The following EXOC6 variants were observed in gnomAD, a reference collection of about 807,000 sequenced individuals.
The protein encoded by EXOC6 is exocyst complex component 6.
Under a neutral mutation model 112.5 loss-of-function variants are expected in EXOC6, and 60 were observed. The ratio of observed to expected loss-of-function variants is 0.53; its 90% CI spans 0.43 to 0.66. The LOEUF is 0.66. Among genes scored for constraint, EXOC6 ranks in the 30% least tolerant of loss-of-function variants. EXOC6 has a pLI of 0.00. For missense variants in EXOC6, 855 were observed against 957.1 expected, an observed-to-expected ratio of 0.89 and a Z score of 1.41; for synonymous variants, 295 against 308.0, an observed-to-expected ratio of 0.96 and a Z score of 0.44.
intron 17 of EXOC6, among the ~76,000 whole-genome samples, chr10:92,958,732 A>G (rs1482788051): frequency 6.6e-6 from 1 of 152,200 alleles, no homozygotes; most frequent in Non-Finnish European, 1.5e-5. Context: ...ACCCAGAAGA[A>G]CCAACAGAGT....
chr10:92,959,092 C>T (rs1853849254), intron 17 of EXOC6, among the ~76,000 whole-genome samples: 1 of 151,834 alleles, frequency 6.6e-6, no homozygotes, highest in Admixed American at 6.6e-5. Flanking sequence ...AACTCCGTCT[C>T]AAAAACAAAA....
intron 19 of EXOC6, among the ~76,000 whole-genome samples, chr10:93,007,007 G>C (rs2134210404): frequency 6.9e-6 from 1 of 144,456 alleles, no homozygotes; most frequent in Non-Finnish European, 1.5e-5. Flanking sequence ...TTTACCCCCT[G>C]ACAATTCTTC....
intron 18 of EXOC6, among the ~76,000 whole-genome samples, chr10:92,974,704 T>C (rs1054706710): frequency 2.6e-5 from 4 of 152,214 alleles, no homozygotes; most frequent in African/African-American, 9.7e-5. Context: ...TGCCTGCGAT[T>C]GCAGGCGCAC....
At chr10:93,012,777 A>G (rs1374889860) in intron 19 of EXOC6, among the ~76,000 whole-genome samples, 1 of 152,152 alleles carries the variant, frequency 6.6e-6, no homozygotes, top group Non-Finnish European at 1.5e-5. Flanking sequence ...AAATCAGAAT[A>G]TCCAGCACTT....
chr10:92,968,512 A>G (rs549123146), intron 17 of EXOC6, among the ~76,000 whole-genome samples: 23 of 152,266 alleles, frequency 1.5e-4, no homozygotes, highest in Non-Finnish European at 2.6e-4. Flanking sequence ...AATTCTGTTA[A>G]TGTTTAATAC....
chr10:92,846,777 T>A (rs1277174551), upstream of EXOC6, among the ~76,000 whole-genome samples: 1 of 152,200 alleles, frequency 6.6e-6, no homozygotes, highest in Middle Eastern at 3.2e-3. Flanking sequence ...AACCTGTGCA[T>A]ATGTTATTTT....
At chr10:92,948,252 T>G (rs1477381767) in intron 13 of EXOC6, 22 bp from the exon 14 acceptor site, 7 of 1,474,510 alleles carry the variant, frequency 4.7e-6, no homozygotes, top group Non-Finnish European at 6.6e-6. Flanking sequence ...ATGATAAGTT[T>G]TCAATTTTCC....
chr10:92,928,580 G>C (rs1183177368), intron 9 of EXOC6, among the ~76,000 whole-genome samples, 158 bp downstream of exon 9: 2 of 151,532 alleles, frequency 1.3e-5, no homozygotes, highest in Non-Finnish European at 2.9e-5. Flanking sequence ...GGGTACAGCA[G>C]TGAACCAAAT....
intron 18 of EXOC6, among the ~76,000 whole-genome samples, chr10:92,978,621 G>T (rs61862341): frequency 0.011 from 1,719 of 152,222 alleles, 19 homozygotes; most frequent in Non-Finnish European, 0.017. Context: ...GCAAAGAGAA[G>T]AGGCAGAGGC....
chr10:92,853,183 T>C (rs563800106), intron 1 of EXOC6, among the ~76,000 whole-genome samples: 2 of 152,298 alleles, frequency 1.3e-5, no homozygotes, highest in East Asian at 3.9e-4. Context: ...TGACTAAAGA[T>C]GTGGAAGACT....
intron 1 of EXOC6, among the ~76,000 whole-genome samples, chr10:92,841,180 T>A (rs1039803466): frequency 2.0e-5 from 3 of 152,202 alleles, no homozygotes; most frequent in African/African-American, 7.2e-5. Context: ...AGCTGAAACT[T>A]TGATTAACAT....
At chr10:92,911,946 T>TGTGTGTGTGTGC (rs1564823682) in intron 6 of EXOC6, among the ~76,000 whole-genome samples, 2 of 87,588 alleles carry the variant, frequency 2.3e-5, no homozygotes, top group East Asian at 3.2e-3. Flanking sequence ...TGCGTGTGTG[T>TGTGTGTGTGTGC]GTGTGTGTGT....
chr10:93,033,506 T>C (rs371970216), intron 20 of EXOC6, among the ~76,000 whole-genome samples: 1 of 152,248 alleles, frequency 6.6e-6, no homozygotes, highest in East Asian at 1.9e-4. Flanking sequence ...GCATCACATG[T>C]ATTTTGTGTA....
chr10:93,008,551 C>G (rs1844098290), intron 19 of EXOC6, among the ~76,000 whole-genome samples: 1 of 152,118 alleles, frequency 6.6e-6, no homozygotes, highest in Non-Finnish European at 1.5e-5. Context: ...AAATGAGAAT[C>G]TGAATGAGCC....
At chr10:92,850,514 C>CT (rs1018048580) in intron 1 of EXOC6, among the ~76,000 whole-genome samples, 2 of 151,774 alleles carry the variant, frequency 1.3e-5, no homozygotes, top group Non-Finnish European at 2.9e-5. Context: ...TATTTTTTCC[C>CT]TTTTTTTTCA....
chr10:92,921,352 C>G (rs892262237), intron 8 of EXOC6, among the ~76,000 whole-genome samples: 9 of 145,164 alleles, frequency 6.2e-5, no homozygotes, highest in Middle Eastern at 3.9e-3. Context: ...TCAAGTGATT[C>G]TCCTGCCTCA....
intron 18 of EXOC6, among the ~76,000 whole-genome samples, chr10:92,994,300 C>CT (rs1843386195): frequency 6.6e-6 from 1 of 152,158 alleles, no homozygotes; most frequent in South Asian, 2.1e-4. Flanking sequence ...CCAAATGTCT[C>CT]TTTACCACAA....
rs564530914 is a variant in EXOC6 at position 92,888,625 on chromosome 10, T to C, written c.102-4724T>C. Among the ~76,000 whole-genome samples the C allele has an allele frequency of 3.9e-5, 6 of 152,336 alleles. No homozygotes were observed. In the South Asian group the frequency reaches 1.2e-3, roughly 32 times the overall value. On this transcript the variant is annotated intron_variant, in intron 1 of 21. Transcript: ENST00000260762. ...GTGATAATTGTAATATAAAAAATTC[T>C]TTTGGTGTATTTTGTTTATTATTTG...
At chr10:92,886,995 G>A (rs1849249228) in intron 1 of EXOC6, among the ~76,000 whole-genome samples, 1 of 152,186 alleles carries the variant, frequency 6.6e-6, no homozygotes, top group African/African-American at 2.4e-5. Flanking sequence ...GCCAGAAGCA[G>A]CAGACATGAC....
Sources: allele counts gnomAD v4.1 joint callset (sites outside exome capture counted in the v4.1 genomes callset), GRCh38; gene constraint gnomAD v4.1.1; transcripts MANE v1.5; gene names NCBI Gene and HGNC (gene_info 2026-07-23, HGNC 2026-07-21).